The following DYNLRB1 variants were observed in gnomAD, a reference collection of about 807,000 sequenced individuals.
The protein encoded by DYNLRB1 is ROBL/LC7-like 1.
DYNLRB1 carries 6 observed loss-of-function variants against 13.5 expected under a neutral mutation model. That is an observed-to-expected ratio of 0.44 (90% CI 0.24 to 0.88). The LOEUF (loss-of-function observed/expected upper bound fraction) is 0.88. DYNLRB1 is among the 40% of genes least tolerant of loss of function. The probability of loss-of-function intolerance (pLI) is 0.21; values close to 1 mark genes in which losing one functional copy is unlikely to be tolerated. For synonymous variants in DYNLRB1, 43 were observed against 45.0 expected (o/e 0.96, Z 0.18); for missense variants, 93 against 127.2 (o/e 0.73, Z 1.29).
At chr20:34,532,659 C>T (rs912437280) in intron 2 of DYNLRB1, among the ~76,000 whole-genome samples, 1 of 152,228 alleles carries the variant, frequency 6.6e-6, no homozygotes, top group African/African-American at 2.4e-5. Flanking sequence ...CTGCCATGCA[C>T]ATTGTGGCCA....
chr20:34,516,913 T>G (rs1568596159), intron 1 of DYNLRB1: 1 of 1,405,034 alleles, frequency 7.1e-7, no homozygotes, highest in African/African-American at 1.5e-5. Flanking sequence ...GTTATACATA[T>G]CTGTTATTCA....
At chr20:34,516,492 G>A in intron 1 of DYNLRB1, 31 bp downstream of exon 1, 1 of 1,611,266 alleles carries the variant, frequency 6.2e-7, no homozygotes, top group South Asian at 1.1e-5. Context: ...TGTGGCTGGC[G>A]GCCGCCCACC....
At chr20:34,535,390 GT>G in intron 3 of DYNLRB1, 1 of 982,186 alleles carries the variant, frequency 1.0e-6, no homozygotes, top group South Asian at 4.7e-5. Context: ...TTTACGCGAG[GT>G]GCTTGCCTTG....
intron 1 of DYNLRB1, 79 bp downstream of exon 1, chr20:34,516,540 G>T: frequency 1.3e-6 from 2 of 1,594,574 alleles, no homozygotes; most frequent in Non-Finnish European, 1.7e-6. Flanking sequence ...AGGATGAGGG[G>T]ATCTCAGAGC....
At chr20:34,534,434 C>T (rs563886330) in intron 2 of DYNLRB1, among the ~76,000 whole-genome samples, 194 bp from the exon 3 acceptor site, 2 of 152,296 alleles carry the variant, frequency 1.3e-5, no homozygotes, top group East Asian at 3.9e-4. Context: ...GTGTTGCCAC[C>T]CACAGAGTAG....
intron 2 of DYNLRB1, chr20:34,529,908 T>C: frequency 6.6e-7 from 1 of 1,512,898 alleles, no homozygotes; most frequent in South Asian, 1.3e-5. Flanking sequence ...TGCTCAGGGC[T>C]GCCCCTGATC....
At chr20:34,520,134 A>C (rs1403400750) in intron 1 of DYNLRB1, among the ~76,000 whole-genome samples, 1 of 152,202 alleles carries the variant, frequency 6.6e-6, no homozygotes, top group African/African-American at 2.4e-5. Flanking sequence ...GTCTCAAAAT[A>C]AATAAATAAA....
At chr20:34,522,534 G>A (rs1253405515) in intron 1 of DYNLRB1, among the ~76,000 whole-genome samples, 4 of 135,112 alleles carry the variant, frequency 3.0e-5, no homozygotes, top group East Asian at 4.5e-4. Flanking sequence ...GTGCAATGGC[G>A]CGATCATGGC....
At chr20:34,518,762 C>A (rs558315808) in intron 1 of DYNLRB1, among the ~76,000 whole-genome samples, 1 of 152,124 alleles carries the variant, frequency 6.6e-6, no homozygotes, top group South Asian at 2.1e-4. Context: ...CTGTTAGTTT[C>A]TTATGCATCT....
At chr20:34,529,791 C>T in intron 2 of DYNLRB1, 1 of 1,330,266 alleles carries the variant, frequency 7.5e-7, no homozygotes. Context: ...CAGAGCTAGA[C>T]AGAACGTGCT....
chr20:34,535,804 A>T (rs552311790), intron 3 of DYNLRB1: 2 of 985,242 alleles, frequency 2.0e-6, no homozygotes, highest in East Asian at 2.3e-4. Context: ...CATGGACTTG[A>T]TCTTGCAAGC....
At chr20:34,535,467 G>A (rs1981067696) in intron 3 of DYNLRB1, 6 of 792,838 alleles carry the variant, frequency 7.6e-6, no homozygotes, top group Non-Finnish European at 9.2e-6. Context: ...TCAGGGTGAG[G>A]AGATGCTCAT....
chr20:34,516,676 C>T (rs1175915973), intron 1 of DYNLRB1: 2 of 1,486,790 alleles, frequency 1.3e-6, no homozygotes, highest in South Asian at 1.3e-5. Flanking sequence ...CCCGCTGCCC[C>T]TTGACCGGAA....
chr20:34,534,540 A>C, intron 2 of DYNLRB1, 88 bp from the exon 3 acceptor site: 1 of 1,460,206 alleles, frequency 6.8e-7, no homozygotes, highest in Non-Finnish European at 9.2e-7. Flanking sequence ...GAGAACTGCT[A>C]TTCCAGTTCT....
chr20:34,527,408 A>T (rs73259124), intron 2 of DYNLRB1, among the ~76,000 whole-genome samples: 2,979 of 152,330 alleles, frequency 0.02, 92 homozygotes, highest in African/African-American at 0.059. Flanking sequence ...GTAACTAAGA[A>T]TGAACAGCGT....
chr20:34,516,323 C>G, upstream of DYNLRB1: 2 of 1,392,124 alleles, frequency 1.4e-6, no homozygotes, highest in Non-Finnish European at 1.9e-6. Flanking sequence ...CCAAGATCGG[C>G]TCGCCCGCCC....
chr20:34,520,736 A>G (rs1363160308), intron 1 of DYNLRB1, among the ~76,000 whole-genome samples: 1 of 152,180 alleles, frequency 6.6e-6, no homozygotes, highest in African/African-American at 2.4e-5. Flanking sequence ...GGCATGAGCC[A>G]CCATACCTGG....
At chr20:34,516,922 C>T in intron 1 of DYNLRB1, 1 of 1,381,248 alleles carries the variant, frequency 7.2e-7, no homozygotes, top group South Asian at 1.8e-5. Flanking sequence ...ATCTGTTATT[C>T]AGCGCCCCGA....
chr20:34,539,264 G>A (rs1019924891), intron 3 of DYNLRB1, among the ~76,000 whole-genome samples: 1 of 152,168 alleles, frequency 6.6e-6, no homozygotes, highest in Admixed American at 6.5e-5. Flanking sequence ...TGATTTAATG[G>A]TGGACATTCC....
Sources: allele counts gnomAD v4.1 joint callset (sites outside exome capture counted in the v4.1 genomes callset), GRCh38; gene constraint gnomAD v4.1.1; transcripts MANE v1.5; gene names NCBI Gene and HGNC (gene_info 2026-07-23, HGNC 2026-07-21).